Variants in STK3 observed in about 807,000 individuals in gnomAD.
The protein encoded by STK3 is serine/threonine kinase 3.
Under a neutral mutation model 58.0 loss-of-function variants are expected in STK3, and 41 were observed. The ratio of observed to expected loss-of-function variants is 0.71; its 90% CI spans 0.55 to 0.92. The LOEUF (loss-of-function observed/expected upper bound fraction) is 0.92. Among genes scored for constraint, STK3 ranks in the 40% least tolerant of loss-of-function variants. STK3 has a pLI of 0.00. For synonymous variants in STK3, 170 were observed against 191.0 expected (o/e 0.89, Z 0.91); for missense variants, 479 against 602.7 (o/e 0.79, Z 2.15).
chr8:98,723,334 T>C (rs914006196), intron 4 of STK3, among the ~76,000 whole-genome samples: 1 of 152,126 alleles, frequency 6.6e-6, no homozygotes, highest in Non-Finnish European at 1.5e-5. Flanking sequence ...AGAATTTCAT[T>C]GTACGAAAAC....
At chr8:98,642,915 T>C (rs1820131131) in intron 6 of STK3, among the ~76,000 whole-genome samples, 1 of 152,216 alleles carries the variant, frequency 6.6e-6, no homozygotes, top group Non-Finnish European at 1.5e-5. Context: ...TCCATTTGAC[T>C]GACACTATTT....
chr8:98,411,923 C>T (rs1026519523), intron 3 of STK3, among the ~76,000 whole-genome samples: 4 of 152,164 alleles, frequency 2.6e-5, no homozygotes, highest in African/African-American at 7.2e-5. Flanking sequence ...CTCAATTATT[C>T]CATCTTGCTT....
chr8:98,528,294 T>C (rs2131491969), intron 9 of STK3, among the ~76,000 whole-genome samples: 1 of 152,330 alleles, frequency 6.6e-6, no homozygotes, highest in East Asian at 1.9e-4. Context: ...GGCTCTTCAT[T>C]TTTTATACTG....
At chr8:98,630,618 G>C (rs909896020) in intron 6 of STK3, among the ~76,000 whole-genome samples, 9 of 151,652 alleles carry the variant, frequency 5.9e-5, no homozygotes, top group Non-Finnish European at 1.0e-4. Context: ...ACTCCAGCCT[G>C]GGTGACAGAG....
At chr8:98,886,513 G>A (rs139364634) in intron 1 of STK3, among the ~76,000 whole-genome samples, 3 of 152,324 alleles carry the variant, frequency 2.0e-5, no homozygotes, top group African/African-American at 7.2e-5. Context: ...TGCAATATTA[G>A]GATAATATGG....
chr8:98,568,669 A>G (rs1006524089), intron 8 of STK3, among the ~76,000 whole-genome samples: 8 of 152,194 alleles, frequency 5.3e-5, no homozygotes, highest in Non-Finnish European at 1.0e-4. Flanking sequence ...AATAATAATA[A>G]TGAAATAATA....
At position 98,789,555 on chromosome 8, in the gene STK3, A is replaced by G. The variant is rs556471446; in HGVS notation, c.27-14736T>C. On this transcript the variant is annotated intron_variant, in intron 1 of 10. Coordinates refer to ENST00000419617, the MANE Select transcript of STK3 (RefSeq NM_006281.4). ...AAAGAAAATCCAAATAAGCTCAATT[A>G]GAACCGAAAAGGGAGATATTACAAC... Among the ~76,000 whole-genome samples, 12 of 152,354 alleles carry G rather than the reference A, an allele frequency of 7.9e-5. No homozygotes were observed. In the South Asian group the frequency reaches 2.3e-3, roughly 29 times the overall value.
At chr8:98,798,114 C>T (rs1333319794) in intron 1 of STK3, among the ~76,000 whole-genome samples, 1 of 152,120 alleles carries the variant, frequency 6.6e-6, no homozygotes, top group Admixed American at 6.5e-5. Flanking sequence ...GCAATAGAGG[C>T]AGCACTATAC....
chr8:98,492,835 T>C (rs952027486), intron 10 of STK3, among the ~76,000 whole-genome samples: 1 of 152,128 alleles, frequency 6.6e-6, no homozygotes, highest in African/African-American at 2.4e-5. Flanking sequence ...TCTCTACTAG[T>C]GCTCTAGGTC....
upstream of STK3, among the ~76,000 whole-genome samples, chr8:98,390,422 T>C (rs1048836477): frequency 5.9e-5 from 9 of 152,290 alleles, no homozygotes; most frequent in Non-Finnish European, 1.2e-4. Context: ...CTATAAGTAG[T>C]ATGTTGTTTT....
At chr8:98,709,528 T>C (rs181588852) in intron 4 of STK3, among the ~76,000 whole-genome samples, 6 of 152,268 alleles carry the variant, frequency 3.9e-5, no homozygotes, top group African/African-American at 7.2e-5. Flanking sequence ...CTTATGAACA[T>C]TGATACAAAA....
At chr8:98,797,276 C>A (rs1833238947) in intron 1 of STK3, among the ~76,000 whole-genome samples, 1 of 152,184 alleles carries the variant, frequency 6.6e-6, no homozygotes, top group Non-Finnish European at 1.5e-5. Flanking sequence ...CTTCTACTTG[C>A]CCATCAGAAA....
At chr8:98,550,341 G>C (rs1033914587) in intron 8 of STK3, among the ~76,000 whole-genome samples, 2 of 151,918 alleles carry the variant, frequency 1.3e-5, no homozygotes, top group African/African-American at 4.8e-5. Flanking sequence ...CTAATAAGTT[G>C]AGGAGTCTCA....
At chr8:98,415,975 C>T (rs1257229340) in intron 3 of STK3, among the ~76,000 whole-genome samples, 2 of 152,332 alleles carry the variant, frequency 1.3e-5, no homozygotes, top group African/African-American at 4.8e-5. Context: ...GACTCTAGGG[C>T]ACTTGTACTC....
intron 2 of STK3, among the ~76,000 whole-genome samples, chr8:98,378,129 A>G (rs182617523): frequency 0.01 from 1,560 of 152,286 alleles, 13 homozygotes; most frequent in Middle Eastern, 0.068. Context: ...TGTTTCACTG[A>G]ACTCATTTAG....
At chr8:98,360,146 C>T in the STK3 span, among the ~76,000 whole-genome samples, 2 of 152,174 alleles carry the variant, frequency 1.3e-5, no homozygotes, top group African/African-American at 2.4e-5. Context: ...TTTGCAAATA[C>T]CTGGGGGTTC....
chr8:98,874,264 C>T (rs1837483919), intron 3 of STK3, among the ~76,000 whole-genome samples: 1 of 152,192 alleles, frequency 6.6e-6, no homozygotes, highest in South Asian at 2.1e-4. Context: ...TTCTCTCTGG[C>T]TGCCCATAAC....
intron 1 of STK3, among the ~76,000 whole-genome samples, chr8:98,885,554 T>C (rs1564082273): frequency 6.6e-6 from 1 of 152,074 alleles, no homozygotes; most frequent in Non-Finnish European, 1.5e-5. Flanking sequence ...ATTCTCCCGC[T>C]TCAGCCTCCC....
intron 3 of STK3, among the ~76,000 whole-genome samples, chr8:98,408,554 C>G (rs1818022315): frequency 6.6e-6 from 1 of 152,190 alleles, no homozygotes; most frequent in South Asian, 2.1e-4. Context: ...ACAATTTATT[C>G]TCAAATACTC....
Sources: gnomAD v4.1 joint callset for allele counts (sites outside exome capture counted in the v4.1 genomes callset) on GRCh38, gnomAD v4.1.1 for gene constraint, MANE v1.5 for transcripts, NCBI Gene and HGNC (gene_info 2026-07-23, HGNC 2026-07-21) for gene names.